Variants in DOCK2 observed in about 807,000 individuals in gnomAD.
The protein encoded by DOCK2 is dedicator of cytokinesis protein 2.
A neutral mutation model predicts 248.9 loss-of-function variants in DOCK2; 87 were observed. The observed-to-expected ratio is 0.35, with a 90% CI of 0.29 to 0.42. DOCK2 has a LOEUF of 0.42. Ranked by LOEUF, DOCK2 falls within the 10% of genes least tolerant of loss-of-function variation. DOCK2 has a pLI of 1.00. For missense variants in DOCK2, 1,747 were observed against 2,300.2 expected (o/e 0.76, Z 4.92); for synonymous variants, 805 against 821.6 (o/e 0.98, Z 0.35).
chr5:169,910,519 A>G (rs951244627), intron 27 of DOCK2, among the ~76,000 whole-genome samples: 1 of 152,132 alleles, frequency 6.6e-6, no homozygotes, highest in Admixed American at 6.6e-5. Flanking sequence ...GATTCATAAA[A>G]CATGACTGAC....
chr5:169,844,390 G>A (rs1366846189), intron 27 of DOCK2, among the ~76,000 whole-genome samples: 1 of 152,188 alleles, frequency 6.6e-6, no homozygotes, highest in Non-Finnish European at 1.5e-5. Flanking sequence ...GCGTGATGGG[G>A]CTGTTTTCCT....
intron 27 of DOCK2, among the ~76,000 whole-genome samples, chr5:169,963,526 C>T (rs765521503): frequency 6.6e-6 from 1 of 152,136 alleles, no homozygotes; most frequent in Non-Finnish European, 1.5e-5. Context: ...TCCCTTAGAG[C>T]TGGAGGCTTT....
intron 26 of DOCK2, among the ~76,000 whole-genome samples, chr5:169,819,597 G>A (rs1768290956): frequency 6.6e-6 from 1 of 152,148 alleles, no homozygotes; most frequent in African/African-American, 2.4e-5. Context: ...CTCCAGCCTG[G>A]GTGACAGAGC....
At chr5:169,680,724 A>G (rs186335518) in intron 6 of DOCK2, among the ~76,000 whole-genome samples, 1 of 144,154 alleles carries the variant, frequency 6.9e-6, no homozygotes, top group African/African-American at 2.5e-5. Context: ...CTGACTCATT[A>G]AAAAAAAAAT....
At chr5:169,746,139 G>T (rs966894741) in intron 22 of DOCK2, among the ~76,000 whole-genome samples, 1 of 152,170 alleles carries the variant, frequency 6.6e-6, no homozygotes, top group African/African-American at 2.4e-5. Context: ...GAAAGAAAGA[G>T]AGACAGAGAG....
At chr5:169,986,407 C>G (rs908157218) in intron 29 of DOCK2, among the ~76,000 whole-genome samples, 3 of 152,114 alleles carry the variant, frequency 2.0e-5, no homozygotes, top group African/African-American at 7.2e-5. Context: ...CATCCATTTG[C>G]ACATAGGATG....
At chr5:169,652,342 T>C (rs1419301934) in intron 1 of DOCK2, among the ~76,000 whole-genome samples, 1 of 152,228 alleles carries the variant, frequency 6.6e-6, no homozygotes, top group Admixed American at 6.5e-5. Context: ...AGCCCTAGGC[T>C]TGAGGCCAGA....
intron 3 of DOCK2, among the ~76,000 whole-genome samples, chr5:169,670,086 G>A (rs1758958046): frequency 6.6e-6 from 1 of 152,178 alleles, no homozygotes. Flanking sequence ...GTTGCTTCAG[G>A]ACCAGTTATT....
intron 2 of DOCK2, among the ~76,000 whole-genome samples, chr5:169,668,653 A>G (rs554474150): frequency 4.6e-5 from 7 of 152,214 alleles, no homozygotes; most frequent in Non-Finnish European, 1.0e-4. Context: ...TTGTCTGAGG[A>G]CTGTGTGTAA....
chr5:169,733,104 G>A (rs1762864753), intron 22 of DOCK2, among the ~76,000 whole-genome samples: 1 of 151,904 alleles, frequency 6.6e-6, no homozygotes, highest in Non-Finnish European at 1.5e-5. Context: ...CATTTTAGCT[G>A]TGCATCCTCC....
chr5:169,965,815 T>G (rs2113754656), intron 27 of DOCK2, among the ~76,000 whole-genome samples: 1 of 152,324 alleles, frequency 6.6e-6, no homozygotes, highest in Middle Eastern at 3.4e-3. Flanking sequence ...GGTTAAAATA[T>G]TCACCCAAAA....
chr5:169,658,694 C>T lies in DOCK2; in HGVS notation c.127+4208C>T, dbSNP rs559520416. Among the ~76,000 whole-genome samples, 386 of 151,488 alleles carry T rather than the reference C, an allele frequency of 2.5e-3. 1 individual carries two copies. Among genetic ancestry groups the T allele is most frequent in the Admixed American group, 5.4e-3 (82 of 15,200 alleles). On this transcript the variant is annotated intron_variant, in intron 2 of 51. Coordinates refer to ENST00000520908, the MANE Select transcript of DOCK2 (RefSeq NM_004946.3). ...TTTAAGCTTATATGTTTGTACTTTT[C>T]TGTTTAGTTTAAATTCTTTATAATA... is the stretch of plus-strand genomic sequence containing the variant.
chr5:169,645,924 T>C (rs945253889), intron 1 of DOCK2, among the ~76,000 whole-genome samples: 1 of 151,992 alleles, frequency 6.6e-6, no homozygotes, highest in African/African-American at 2.4e-5. Context: ...TAATTTTTTG[T>C]ATTTTTAGTA....
At chr5:169,880,603 G>A (rs998555741) in intron 27 of DOCK2, among the ~76,000 whole-genome samples, 2 of 152,186 alleles carry the variant, frequency 1.3e-5, no homozygotes, top group Non-Finnish European at 2.9e-5. Flanking sequence ...AGTAAAAACA[G>A]GTATAAACCC....
At chr5:170,077,115 C>T (rs1043956665) in intron 47 of DOCK2, among the ~76,000 whole-genome samples, 1 of 152,220 alleles carries the variant, frequency 6.6e-6, no homozygotes, top group Non-Finnish European at 1.5e-5. Context: ...GGTAAAGAGA[C>T]ACAGAGTGAG....
intron 47 of DOCK2, 27 bp downstream of exon 47, chr5:170,076,111 G>T: frequency 6.2e-7 from 1 of 1,611,764 alleles, no homozygotes; most frequent in Non-Finnish European, 8.5e-7. Context: ...TGGCTTGGAG[G>T]GGTGGGATTG....
At chr5:169,947,003 G>A (rs761070423) in intron 27 of DOCK2, among the ~76,000 whole-genome samples, 5 of 152,170 alleles carry the variant, frequency 3.3e-5, no homozygotes, top group African/African-American at 1.2e-4. Flanking sequence ...GGAGAGGAGC[G>A]CTGAGTATAC....
At chr5:169,729,772 G>C (rs556287863) in intron 22 of DOCK2, among the ~76,000 whole-genome samples, 2 of 152,220 alleles carry the variant, frequency 1.3e-5, no homozygotes, top group East Asian at 1.9e-4. Flanking sequence ...TAGTGAGGGT[G>C]GGGGGTAGCA....
chr5:170,079,202 G>C, intron 49 of DOCK2, 56 bp downstream of exon 49: 1 of 1,571,744 alleles, frequency 6.4e-7, no homozygotes, highest in Non-Finnish European at 8.6e-7. Context: ...TCCACTACAT[G>C]CTGGGCACAA....
Sources: gnomAD v4.1 joint callset for allele counts (sites outside exome capture counted in the v4.1 genomes callset) on GRCh38, gnomAD v4.1.1 for gene constraint, MANE v1.5 for transcripts, NCBI Gene and HGNC (gene_info 2026-07-23, HGNC 2026-07-21) for gene names.